Variants in DHDDS observed in about 807,000 individuals in gnomAD.
DHDDS encodes dehydrodolichyl diphosphate synthase complex subunit DHDDS.
In DHDDS, 16 loss-of-function variants were observed where a neutral mutation model predicts 46.2. That is an observed-to-expected ratio of 0.35 (90% CI 0.23 to 0.53). The LOEUF is 0.53. DHDDS is among the 20% of genes least tolerant of loss of function. DHDDS has a pLI of 0.94. For synonymous variants in DHDDS, 151 were observed against 163.1 expected (o/e 0.93, Z 0.56); for missense variants, 340 against 423.7 (o/e 0.80, Z 1.73).
chr1:26,459,550 G>T (rs2075402678), intron 7 of DHDDS, among the ~76,000 whole-genome samples: 1 of 152,180 alleles, frequency 6.6e-6, no homozygotes, highest in Non-Finnish European at 1.5e-5. Flanking sequence ...CAAATAAATG[G>T]TAAATGGTTG....
chr1:26,438,405 A>C, intron 3 of DHDDS, 121 bp downstream of exon 3: 2 of 941,410 alleles, frequency 2.1e-6, no homozygotes, highest in Non-Finnish European at 3.4e-6. Context: ...TCTGTGTTTT[A>C]TTGTTTGCTT....
chr1:26,468,807 C>CT, intron 8 of DHDDS, 88 bp from the exon 9 acceptor site: 1 of 1,186,214 alleles, frequency 8.4e-7, no homozygotes, highest in Non-Finnish European at 1.2e-6. Flanking sequence ...TTGGCCCACC[C>CT]TGTGCCCCAC....
chr1:26,438,629 G>A (rs2075185634), intron 3 of DHDDS: 2 of 320,802 alleles, frequency 6.2e-6, no homozygotes, highest in South Asian at 2.7e-5. Context: ...GGAGGCTGAG[G>A]TGGGAGGACT....
intron 3 of DHDDS, among the ~76,000 whole-genome samples, chr1:26,440,501 T>G (rs909480217): frequency 6.6e-6 from 1 of 152,232 alleles, no homozygotes; most frequent in Non-Finnish European, 1.5e-5. Flanking sequence ...CTCAGTAGAT[T>G]ATTTGAAGAT....
chr1:26,438,424 T>C, intron 3 of DHDDS, 140 bp downstream of exon 3: 1 of 827,816 alleles, frequency 1.2e-6, no homozygotes, highest in Non-Finnish European at 2.0e-6. Context: ...TTGCTAGCTA[T>C]AGATCTCATC....
At chr1:26,458,695 G>A (rs1207959932) in intron 7 of DHDDS, among the ~76,000 whole-genome samples, 1 of 143,146 alleles carries the variant, frequency 7.0e-6, no homozygotes, top group Non-Finnish European at 1.5e-5. Flanking sequence ...GCGAGATCGT[G>A]CCACTGCACT....
chr1:26,457,952 A>G (rs367614424), intron 7 of DHDDS, 47 bp downstream of exon 7: 12 of 1,515,148 alleles, frequency 7.9e-6, no homozygotes, highest in East Asian at 2.3e-5. Flanking sequence ...GGGGAAACCA[A>G]CTGTATCCAC....
chr1:26,461,912 A>G (rs79317867), intron 8 of DHDDS, among the ~76,000 whole-genome samples: 11 of 152,246 alleles, frequency 7.2e-5, no homozygotes, highest in East Asian at 3.8e-4. Context: ...AGATTTTTCC[A>G]TATGACCAAA....
intron 6 of DHDDS, among the ~76,000 whole-genome samples, chr1:26,456,042 C>T (rs1382700501): frequency 6.6e-6 from 1 of 152,176 alleles, no homozygotes; most frequent in Admixed American, 6.5e-5. Context: ...AAGATAAATG[C>T]TTCCACTCAC....
chr1:26,468,953 C>T lies in DHDDS; in HGVS notation c.824C>T (p.Ala275Val), dbSNP rs1446489827. The T allele has an allele frequency of 6.2e-7, 1 of 1,614,062 alleles. No homozygotes were observed. Among genetic ancestry groups the T allele is most frequent in the African/African-American group, 1.3e-5 (1 of 74,942 alleles). Residue 275 changes from alanine to valine, a missense_variant, in exon 9 of 9, where the codon GCT becomes GTT. This residue lies in a region of DHDDS where 268 missense variants were observed against 300.3 expected (regional missense o/e 0.89). Coordinates refer to ENST00000236342, the MANE Select transcript of DHDDS (RefSeq NM_205861.3). ...RKRQQLERDQATVTEQLLREG... is the reference protein window; with the variant it reads ...RKRQQLERDQVTVTEQLLREG... Reference sequence around the variant, plus strand: ...AGGCAGCAGCTGGAGAGGGACCAGGCTACAGTGACAGAGCAGCTGCTGCGA... The same window carrying T: ...AGGCAGCAGCTGGAGAGGGACCAGGTTACAGTGACAGAGCAGCTGCTGCGA...
At chr1:26,461,023 G>A (rs755896209) in intron 8 of DHDDS, among the ~76,000 whole-genome samples, 10 of 152,114 alleles carry the variant, frequency 6.6e-5, no homozygotes, top group Admixed American at 5.2e-4. Context: ...ACAGGCACAC[G>A]CCACCATGCC....
chr1:26,438,372 G>A (rs761646621), intron 3 of DHDDS, 88 bp downstream of exon 3: 7 of 1,228,530 alleles, frequency 5.7e-6, no homozygotes, highest in South Asian at 3.6e-5. Context: ...TGCTGTGGTT[G>A]GAGAGTGTTT....
chr1:26,469,537 A>G lies in DHDDS; in HGVS notation c.*406A>G, dbSNP rs944044952. 1 of 267,932 alleles carries G rather than the reference A, an allele frequency of 3.7e-6. No individual in the cohort carries two copies. Among genetic ancestry groups the G allele is most frequent in the African/African-American group, 2.2e-5 (1 of 46,174 alleles). 16.6% of individuals were successfully genotyped at this position (267,932 alleles called of 1,614,324 possible). ...CATTTTAGCCTTCCACCCAGCTTCC[A>G]CAAAAGATTTGGCTCTACCTTGGAT... On this transcript the variant is annotated 3_prime_UTR_variant, in exon 9 of 9. Coordinates refer to ENST00000236342, the MANE Select transcript of DHDDS (RefSeq NM_205861.3).
At chr1:26,445,072 A>G (rs975800951) in intron 4 of DHDDS, among the ~76,000 whole-genome samples, 4 of 62,060 alleles carry the variant, frequency 6.4e-5, no homozygotes, top group Admixed American at 2.3e-4. Context: ...CTACGTGCAA[A>G]TCCTGGTTCT....
chr1:26,468,438 TTCTG>T lies in DHDDS; in HGVS notation c.766-453_766-450del, dbSNP rs569952181. On this transcript the variant is annotated intron_variant, in intron 8 of 8. Transcript: ENST00000236342. ...CAATAACAACTTGTAAAATTGCTGT[TTCTG>T]TCTAAGAGCCTGCTAATATCCTAGA... is the stretch of plus-strand genomic sequence containing the variant. Among the ~76,000 whole-genome samples the T allele has an allele frequency of 6.6e-5, 10 of 152,310 alleles. No homozygotes were observed. In the East Asian group the frequency reaches 1.3e-3, roughly 21 times the overall value.
At chr1:26,458,737 C>CAAAAA (rs11381495) in intron 7 of DHDDS, among the ~76,000 whole-genome samples, 35 of 71,152 alleles carry the variant, frequency 4.9e-4, no homozygotes, top group Non-Finnish European at 5.8e-4. Context: ...GACTCTGTCG[C>CAAAAA]AAAAAAAAAA....
chr1:26,455,758 G>T (rs544214119), intron 6 of DHDDS, among the ~76,000 whole-genome samples: 1 of 152,114 alleles, frequency 6.6e-6, no homozygotes, highest in Admixed American at 6.5e-5. Context: ...AAAAAAAGAT[G>T]AATAACTTGC....
Position 26,447,999 on chromosome 1 carries a change from C to T in DHDDS, c.542+339C>T, listed in dbSNP as rs538313867. ...CCTGCTTCAGAACTAGAGTTCACCACACACCAAGAAACCCCAGAGAAAGAG... is the reference window on the plus strand; with the variant it reads ...CCTGCTTCAGAACTAGAGTTCACCATACACCAAGAAACCCCAGAGAAAGAG... On this transcript the variant is annotated intron_variant, in intron 6 of 8. Coordinates refer to ENST00000236342, the MANE Select transcript of DHDDS (RefSeq NM_205861.3). 3 of 540,304 alleles carry T rather than the reference C, an allele frequency of 5.6e-6. No homozygotes were observed. The African/African-American group carries it at 5.6e-5, about 10-fold the overall frequency. 33.5% of individuals were successfully genotyped at this position (540,304 alleles called of 1,614,324 possible).
rs1386352502 is a variant in DHDDS at position 26,470,594 on chromosome 1, G to A, written c.*1463G>A. On this transcript the variant is annotated 3_prime_UTR_variant, in exon 9 of 9. Transcript: ENST00000236342. ...TCCCCTTTCTGTCCCGGGATACCTG[G>A]CGGCAAGAGACTTCTTGGCTATTGT... 1 of 152,512 alleles carries A rather than the reference G, an allele frequency of 6.6e-6. No homozygotes were observed. Among genetic ancestry groups the A allele is most frequent in the Non-Finnish European group, 1.5e-5 (1 of 68,034 alleles). 9.4% of individuals were successfully genotyped at this position (152,512 alleles called of 1,614,324 possible).
Sources: allele counts gnomAD v4.1 joint callset (sites outside exome capture counted in the v4.1 genomes callset), GRCh38; gene constraint gnomAD v4.1.1; regional missense constraint gnomAD v4.1.1; transcripts MANE v1.5; gene names NCBI Gene and HGNC (gene_info 2026-07-23, HGNC 2026-07-21).